The following OR1F1 variants were observed in gnomAD, a reference collection of about 807,000 sequenced individuals.
The protein encoded by OR1F1 is olfactory receptor family 1 subfamily F member 1.
For synonymous variants in OR1F1, 184 were observed against 156.7 expected, an observed-to-expected ratio of 1.17 and a Z score of -1.30; for missense variants, 493 against 376.3, an observed-to-expected ratio of 1.31 and a Z score of -2.57.
At chr16:3,201,030 G>C (rs1401061659), upstream of OR1F1, among the ~76,000 whole-genome samples, 1 of 152,060 alleles carries the variant, frequency 6.6e-6, no homozygotes, top group Admixed American at 6.6e-5. Context: ...TGTCTCTATG[G>C]ATTTGCCTAC....
chr16:3,202,668 AT>A (rs1482779724), upstream of OR1F1, among the ~76,000 whole-genome samples: 3 of 98,858 alleles, frequency 3.0e-5, no homozygotes, highest in Non-Finnish European at 5.0e-5. Context: ...CAAAATAATA[AT>A]AATAATAATA....
chr16:3,201,359 T>A (rs6501150), upstream of OR1F1, among the ~76,000 whole-genome samples: 42,396 of 151,962 alleles, frequency 0.28, 6,538 homozygotes, highest in African/African-American at 0.42. Flanking sequence ...CTGGATTGTA[T>A]GGTAATTGTA....
the OR1F1 span, among the ~76,000 whole-genome samples, chr16:3,196,862 T>TTTG: frequency 3.3e-5 from 5 of 151,176 alleles, no homozygotes; most frequent in African/African-American, 7.3e-5. Flanking sequence ...GCCCAGCTAT[T>TTTG]TTGTTGTTGT....
chr16:3,199,191 T>G, the OR1F1 span, among the ~76,000 whole-genome samples: 1 of 136,154 alleles, frequency 7.3e-6, no homozygotes, highest in South Asian at 2.6e-4. Flanking sequence ...TAGTCCCAGC[T>G]CCTCAGGAGG....
chr16:3,205,400 C>G (rs1476633022), downstream of OR1F1, among the ~76,000 whole-genome samples: 1 of 152,156 alleles, frequency 6.6e-6, no homozygotes, highest in Non-Finnish European at 1.5e-5. Context: ...ACTGCACCCT[C>G]CATCTCCCAG....
At chr16:3,191,969 A>T in the OR1F1 span, among the ~76,000 whole-genome samples, 1 of 152,166 alleles carries the variant, frequency 6.6e-6, no homozygotes, top group African/African-American at 2.4e-5. Flanking sequence ...CACAAAGAAA[A>T]GTAAAGGGCC....
chr16:3,206,329 C>T (rs1425098420), downstream of OR1F1, among the ~76,000 whole-genome samples: 1 of 152,172 alleles, frequency 6.6e-6, no homozygotes, highest in Non-Finnish European at 1.5e-5. Context: ...AACATAGACC[C>T]TTATCTGGAG....
At chr16:3,190,888 G>C in the OR1F1 span, among the ~76,000 whole-genome samples, 5 of 152,080 alleles carry the variant, frequency 3.3e-5, no homozygotes, top group African/African-American at 1.2e-4. Flanking sequence ...CTTAGGAAAG[G>C]CAATAAAGAA....
At chr16:3,202,614 C>T (rs771249393), upstream of OR1F1, among the ~76,000 whole-genome samples, 12 of 150,666 alleles carry the variant, frequency 8.0e-5, no homozygotes, top group South Asian at 2.1e-4. Context: ...TGGTAGTGCA[C>T]GCCTGTAGTA....
chr16:3,204,122 A>G (rs1260884911), upstream of OR1F1: 1 of 686,416 alleles, frequency 1.5e-6, no homozygotes, highest in Non-Finnish European at 2.4e-6. Flanking sequence ...AGGGTTGACA[A>G]TATTATCATT....
the OR1F1 span, among the ~76,000 whole-genome samples, chr16:3,190,214 C>G: frequency 2.0e-5 from 3 of 152,168 alleles, no homozygotes; most frequent in African/African-American, 7.2e-5. Flanking sequence ...TCCCGTCACT[C>G]CTCACCTGCG....
chr16:3,195,104 C>T, the OR1F1 span, among the ~76,000 whole-genome samples: 3 of 152,212 alleles, frequency 2.0e-5, no homozygotes, highest in Non-Finnish European at 4.4e-5. Context: ...GGAAGCGCAT[C>T]CCGGCCCAGG....
chr16:3,196,711 T>C, the OR1F1 span, among the ~76,000 whole-genome samples: 1 of 151,292 alleles, frequency 6.6e-6, no homozygotes, highest in Admixed American at 6.6e-5. Context: ...TTTTTTTTTT[T>C]TTTTTTTGAA....
At chr16:3,195,662 G>A in the OR1F1 span, among the ~76,000 whole-genome samples, 1 of 131,242 alleles carries the variant, frequency 7.6e-6, no homozygotes, top group Admixed American at 8.1e-5. Context: ...AAGCCCGGGG[G>A]ACAGAGTGGA....
the OR1F1 span, among the ~76,000 whole-genome samples, chr16:3,193,172 C>A: frequency 3.9e-4 from 60 of 152,258 alleles, no homozygotes; most frequent in African/African-American, 1.4e-3. Context: ...AGTGATCCAC[C>A]GCCTTGGCCT....
At chr16:3,204,389 C>G (rs1218504462) in exon 1 of OR1F1, 1 of 1,614,076 alleles carries the variant, frequency 6.2e-7, no homozygotes, top group Non-Finnish European at 8.5e-7. Flanking sequence ...ATCATCCTGT[C>G]CGTAAGCATA....
At chr16:3,195,064 C>G in the OR1F1 span, among the ~76,000 whole-genome samples, 1 of 152,208 alleles carries the variant, frequency 6.6e-6, no homozygotes, top group East Asian at 1.9e-4. Flanking sequence ...GGCCCCGTGT[C>G]CCCCGGAGCA....
At chr16:3,200,625 T>C (rs566752528), upstream of OR1F1, among the ~76,000 whole-genome samples, 1 of 151,992 alleles carries the variant, frequency 6.6e-6, no homozygotes, top group East Asian at 1.9e-4. Flanking sequence ...AAAAAACGAA[T>C]AAACAAACAA....
At chr16:3,202,873 C>T (rs1000535766), upstream of OR1F1, among the ~76,000 whole-genome samples, 1 of 152,036 alleles carries the variant, frequency 6.6e-6, no homozygotes, top group Non-Finnish European at 1.5e-5. Flanking sequence ...GCTGGTGATT[C>T]AGTGGAGGTT....
Sources: allele counts gnomAD v4.1 joint callset (sites outside exome capture counted in the v4.1 genomes callset), GRCh38; gene constraint gnomAD v4.1.1; transcripts MANE v1.5; gene names NCBI Gene and HGNC (gene_info 2026-07-23, HGNC 2026-07-21).